Variants in CMSS1 observed in about 807,000 individuals in gnomAD.
CMSS1 encodes the protein protein CMSS1.
A neutral mutation model predicts 43.5 loss-of-function variants in CMSS1; 33 were observed. The ratio of observed to expected loss-of-function variants is 0.76; its 90% CI spans 0.57 to 1.01. CMSS1 has a LOEUF of 1.01. Ranked by LOEUF, CMSS1 falls within the 50% of genes least tolerant of loss-of-function variation. The pLI, the probability that CMSS1 is intolerant of heterozygous loss-of-function variation, is 0.00. For synonymous variants in CMSS1, 115 were observed against 117.2 expected, an observed-to-expected ratio of 0.98 and a Z score of 0.12; for missense variants, 313 against 326.4, an observed-to-expected ratio of 0.96 and a Z score of 0.32.
At chr3:99,870,899 T>C (rs1412808778) in intron 1 of CMSS1, among the ~76,000 whole-genome samples, 2 of 152,236 alleles carry the variant, frequency 1.3e-5, no homozygotes, top group African/African-American at 4.8e-5. Context: ...TTAGAGAAAT[T>C]CAGAGGAGTC....
intron 1 of CMSS1, among the ~76,000 whole-genome samples, chr3:99,865,555 T>G (rs1436910522): frequency 6.6e-6 from 1 of 152,170 alleles, no homozygotes; most frequent in Non-Finnish European, 1.5e-5. Context: ...GCAAGTTTCG[T>G]CATTTGGCAT....
chr3:100,169,988 A>G (rs111423847), intron 6 of CMSS1, among the ~76,000 whole-genome samples: 61 of 152,372 alleles, frequency 4.0e-4, no homozygotes, highest in African/African-American at 1.4e-3. Flanking sequence ...CAGTAATACT[A>G]TGATCCATTT....
At chr3:99,843,139 G>A (rs910720389) in intron 1 of CMSS1, among the ~76,000 whole-genome samples, 4 of 152,224 alleles carry the variant, frequency 2.6e-5, no homozygotes, top group Non-Finnish European at 4.4e-5. Flanking sequence ...TGTGCCATAA[G>A]TTGAATGGAG....
intron 1 of CMSS1, among the ~76,000 whole-genome samples, chr3:99,956,626 C>T (rs775082736): frequency 6.6e-6 from 1 of 152,202 alleles, no homozygotes; most frequent in African/African-American, 2.4e-5. Context: ...GGATTAAAGG[C>T]GTGAGCCCCC....
intron 1 of CMSS1, among the ~76,000 whole-genome samples, chr3:100,047,575 C>T (rs2065297655): frequency 6.6e-6 from 1 of 152,208 alleles, no homozygotes; most frequent in South Asian, 2.1e-4. Flanking sequence ...GGTATTACCA[C>T]ATGTAAATTC....
intron 1 of CMSS1, among the ~76,000 whole-genome samples, chr3:100,001,044 C>T (rs1363618835): frequency 6.6e-6 from 1 of 151,864 alleles, no homozygotes; most frequent in Non-Finnish European, 1.5e-5. Flanking sequence ...CTATATTTCA[C>T]ACACACACAC....
intron 1 of CMSS1, chr3:99,851,111 T>G: frequency 6.8e-7 from 1 of 1,468,006 alleles, no homozygotes; most frequent in Non-Finnish European, 9.1e-7. Context: ...GATTGATGCT[T>G]TAGTAACTCA....
chr3:100,000,670 G>C (rs1221970737), intron 1 of CMSS1, among the ~76,000 whole-genome samples: 2 of 152,172 alleles, frequency 1.3e-5, no homozygotes, highest in Non-Finnish European at 2.9e-5. Flanking sequence ...AGCTATGATT[G>C]TGCTATTGCA....
Position 100,158,094 on chromosome 3 carries a change from T to C in CMSS1, c.154-2336T>C, listed in dbSNP as rs147067935. ...TCTCCATTACTGTTGTTCTCTCTCC[T>C]GGTTTCTTGGTTTTTATATAGATCC... On this transcript the variant is annotated intron_variant, in intron 2 of 9. Transcript: ENST00000421999. Among the ~76,000 whole-genome samples the C allele has an allele frequency of 3.6e-3, 547 of 152,298 alleles. 6 individuals are homozygous for C. The highest frequency in any genetic ancestry group is 5.4e-3 in the Non-Finnish European group (364 of 68,026).
At chr3:100,066,878 A>AT (rs2065674535) in intron 1 of CMSS1, among the ~76,000 whole-genome samples, 1 of 152,028 alleles carries the variant, frequency 6.6e-6, no homozygotes, top group African/African-American at 2.4e-5. Flanking sequence ...CAGTTTAAAG[A>AT]TTTTTACTTG....
intron 1 of CMSS1, among the ~76,000 whole-genome samples, chr3:99,996,918 T>G (rs1357197392): frequency 6.6e-6 from 1 of 151,854 alleles, no homozygotes; most frequent in African/African-American, 2.4e-5. Flanking sequence ...ATGAAGAAAT[T>G]ATAATGGAAA....
intron 1 of CMSS1, among the ~76,000 whole-genome samples, chr3:99,872,962 G>A (rs951856731): frequency 1.3e-5 from 2 of 151,712 alleles, no homozygotes; most frequent in Non-Finnish European, 2.9e-5. Context: ...AGGCTGATAA[G>A]TGTTGGTGAT....
rs527714024 is a variant in CMSS1, at chr3:99,868,251, AAATCAAGGTAAAGGGT to A, written c.64+50211_64+50226del. On this transcript the variant is annotated intron_variant, in intron 1 of 9. Transcript: ENST00000421999. ...CAGGAGGGACTGCCTTGTAGCAGGG[AAATCAAGGTAAAGGGT>A]AACCTCTCCTTACAGAGTGGCTAAG... is the stretch of plus-strand genomic sequence containing the variant. Among the ~76,000 whole-genome samples, 922 of 152,258 alleles carry A rather than the reference AAATCAAGGTAAAGGGT, an allele frequency of 6.1e-3. 9 individuals carry two copies. Among genetic ancestry groups the A allele is most frequent in the Middle Eastern group, 0.027 (8 of 294 alleles).
chr3:100,021,455 C>T lies in CMSS1; in HGVS notation c.65-125518C>T, dbSNP rs140763237. Among the ~76,000 whole-genome samples, 684 of 152,180 alleles carry T rather than the reference C, an allele frequency of 4.5e-3. 7 individuals carry two copies. Among genetic ancestry groups the T allele is most frequent in the African/African-American group, 0.016 (670 of 41,506 alleles). ...ACTTTGGGAGAGGAGGAACCCTTCCCGGAATTTCAGAAGTCTCCTTGTAGA... is the reference window on the plus strand; with the variant it reads ...ACTTTGGGAGAGGAGGAACCCTTCCTGGAATTTCAGAAGTCTCCTTGTAGA... On this transcript the variant is annotated intron_variant, in intron 1 of 9. Coordinates refer to ENST00000421999, the MANE Select transcript of CMSS1 (RefSeq NM_032359.4).
At chr3:100,168,927 A>G (rs1419463928) in intron 6 of CMSS1, among the ~76,000 whole-genome samples, 1 of 151,844 alleles carries the variant, frequency 6.6e-6, no homozygotes, top group African/African-American at 2.4e-5. Flanking sequence ...ACACACACAC[A>G]CACGCACTCT....
At chr3:99,970,987 G>T (rs1451878868) in intron 1 of CMSS1, among the ~76,000 whole-genome samples, 1 of 152,186 alleles carries the variant, frequency 6.6e-6, no homozygotes, top group South Asian at 2.1e-4. Context: ...TTGAAGAGGA[G>T]GGGCTGTATT....
chr3:100,022,313 C>T (rs2064840234), intron 1 of CMSS1, among the ~76,000 whole-genome samples: 1 of 152,188 alleles, frequency 6.6e-6, no homozygotes, highest in African/African-American at 2.4e-5. Flanking sequence ...TAAGTTGAGC[C>T]AGTGCCATGT....
chr3:100,044,286 A>G (rs985161496), intron 1 of CMSS1, among the ~76,000 whole-genome samples: 1 of 152,248 alleles, frequency 6.6e-6, no homozygotes, highest in South Asian at 2.1e-4. Context: ...CTTTGCCCTA[A>G]TGAAGTTTAT....
Position 100,030,727 on chromosome 3 carries a change from T to G in CMSS1, c.65-116246T>G, listed in dbSNP as rs140567700. Among the ~76,000 whole-genome samples the G allele has an allele frequency of 3.0e-3, 458 of 152,234 alleles. 2 individuals carry two copies. The highest frequency in any genetic ancestry group is 0.01 in the African/African-American group (423 of 41,532). On this transcript the variant is annotated intron_variant, in intron 1 of 9. Coordinates refer to ENST00000421999, the MANE Select transcript of CMSS1 (RefSeq NM_032359.4). ...TTTTCCTCTACCATATAAACACAAA[T>G]CAGCTATATAGTTAGCAAAAGGGAG...
Sources: gnomAD v4.1 joint callset for allele counts (sites outside exome capture counted in the v4.1 genomes callset) on GRCh38, gnomAD v4.1.1 for gene constraint, MANE v1.5 for transcripts, NCBI Gene and HGNC (gene_info 2026-07-23, HGNC 2026-07-21) for gene names.